The following PABPN1 variants were observed in gnomAD, a reference collection of about 807,000 sequenced individuals.
PABPN1 encodes the protein polyadenylate-binding protein 2.
A neutral mutation model predicts 33.4 loss-of-function variants in PABPN1; 5 were observed. The ratio of observed to expected loss-of-function variants is 0.15; its 90% CI spans 0.08 to 0.32. PABPN1 has a LOEUF of 0.32. Ranked by LOEUF, PABPN1 falls within the 10% of genes least tolerant of loss-of-function variation. The pLI is 1.00. For missense variants in PABPN1, 312 were observed against 425.8 expected (o/e 0.73, Z 2.35); for synonymous variants, 176 against 170.6 (o/e 1.03, Z -0.25).
At chr14:23,324,441 G>T (rs887930568) in intron 6 of PABPN1, 152 bp downstream of exon 6, 8 of 1,067,080 alleles carry the variant, frequency 7.5e-6, no homozygotes, top group Admixed American at 1.9e-5. Context: ...GAAGGTAGTT[G>T]CAGGCCAGGC....
intron 6 of PABPN1, 44 bp downstream of exon 6, chr14:23,324,333 G>A (rs775734744): frequency 1.2e-6 from 2 of 1,604,272 alleles, no homozygotes; most frequent in South Asian, 1.1e-5. Flanking sequence ...CCTCCCGTGA[G>A]CCCCGTATGC....
chr14:23,324,375 C>T (rs1888577784), intron 6 of PABPN1, 86 bp downstream of exon 6: 3 of 1,309,660 alleles, frequency 2.3e-6, no homozygotes, highest in Non-Finnish European at 3.0e-6. Flanking sequence ...AACCTCCCTC[C>T]CCCCACCCCT....
At position 23,325,995 on chromosome 14, in the gene PABPN1, GT is replaced by G. The variant is rs58264930; in HGVS notation, c.*723del. 0.36 allele frequency: 50,796 copies of G among 141,430 alleles called. 9,435 individuals are homozygous for G. Among genetic ancestry groups the G allele is most frequent in the East Asian group, 0.59 (2,855 of 4,834 alleles). The allele number at this position is 141,430 out of a possible 1,614,324, so 8.8% of individuals were successfully genotyped here. ...TGTTTTTCAGTTGTTTTGTTTTTTT[GT>G]TTTTTTTTTTTTTCCTTTGCCTTTT... On this transcript the variant is annotated 3_prime_UTR_variant, in exon 7 of 7. Transcript: ENST00000216727.
At chr14:23,324,336 C>T in intron 6 of PABPN1, 47 bp downstream of exon 6, 1 of 1,603,646 alleles carries the variant, frequency 6.2e-7, no homozygotes, top group Non-Finnish European at 8.5e-7. Flanking sequence ...CCCGTGAGCC[C>T]CGTATGCTTC....
rs545628068 is a variant in PABPN1, at chr14:23,325,056, GC to G, written c.882-185del. 895 of 665,162 alleles carry G rather than the reference GC, an allele frequency of 1.3e-3. 2 individuals are homozygous for G. The highest frequency in any genetic ancestry group is 1.9e-3 in the Non-Finnish European group (803 of 418,930). The allele number at this position is 665,162 out of a possible 1,614,324, so 41.2% of individuals were successfully genotyped here. ...CCACTGTTTGGCAGTTTTCTGTTAA[GC>G]CCCCCTCCCCCTGCCCCAGTTCTCC... On this transcript the variant is annotated intron_variant, in intron 6 of 6. Coordinates refer to ENST00000216727, the MANE Select transcript of PABPN1 (RefSeq NM_004643.4).
rs1404315349 is a variant in PABPN1, at chr14:23,325,893, C to T, written c.*607C>T. ...GTAGCCGGAAGATCTCCGTTCCGCTCCCAGCGGCTCCAGTGTAAATTCCCC... is the reference window on the plus strand; with the variant it reads ...GTAGCCGGAAGATCTCCGTTCCGCTTCCAGCGGCTCCAGTGTAAATTCCCC... On this transcript the variant is annotated 3_prime_UTR_variant, in exon 7 of 7. Coordinates refer to ENST00000216727, the MANE Select transcript of PABPN1 (RefSeq NM_004643.4). 1 of 153,126 alleles carries T rather than the reference C, an allele frequency of 6.5e-6. No individual in the cohort carries two copies. The highest frequency in any genetic ancestry group is 1.9e-4 in the East Asian group (1 of 5,188). 9.5% of individuals were successfully genotyped at this position (153,126 alleles called of 1,614,324 possible). A position where few individuals can be genotyped will look rare whatever the true frequency, so the allele number is the denominator to read the frequency against.
At chr14:23,323,835 C>A (rs1888516023) in intron 4 of PABPN1, 130 bp from the exon 5 acceptor site, 3 of 969,090 alleles carry the variant, frequency 3.1e-6, no homozygotes, top group Non-Finnish European at 4.7e-6. Context: ...TTGAAATTTT[C>A]CATTTAGAAG....
chr14:23,325,112 G>T, intron 6 of PABPN1, 135 bp from the exon 7 acceptor site: 3 of 1,171,338 alleles, frequency 2.6e-6, no homozygotes, highest in Non-Finnish European at 3.6e-6. Context: ...GGATCATGGG[G>T]TCAGTTTTAG....
Position 23,325,249 on chromosome 14 carries a change from G to A in PABPN1, c.884G>A (p.Gly295Asp). 1.2e-6 allele frequency: 2 copies of A among 1,613,084 alleles called. No individual in the cohort carries two copies. The highest frequency in any genetic ancestry group is 1.7e-6 in the Non-Finnish European group (2 of 1,179,882). ...CTAACTCTCCTTCTTTCTTCCAGGG[G>A]CCGGGCTAGAGCGACATCATGGTAT... ...NSRPRGRVYR[G>D]RARATSWYSP... The change falls in exon 7 of 7, where the codon GGC (glycine) becomes GAC (aspartate). Residue 295 changes from glycine to aspartate, a missense_variant and splice_region_variant. This residue lies in a region of PABPN1 where 68 missense variants were observed against 71.1 expected (regional missense o/e 0.96). Coordinates refer to ENST00000216727, the MANE Select transcript of PABPN1 (RefSeq NM_004643.4).
At chr14:23,325,144 C>T (rs976036352) in intron 6 of PABPN1, 103 bp from the exon 7 acceptor site, 6 of 1,513,972 alleles carry the variant, frequency 4.0e-6, no homozygotes, top group Non-Finnish European at 4.6e-6. Context: ...ACTTCTTTTC[C>T]CCCCTTCCCT....
chr14:23,324,343 C>G (rs1317056037), intron 6 of PABPN1, 54 bp downstream of exon 6: 1 of 1,602,394 alleles, frequency 6.2e-7, no homozygotes, highest in Admixed American at 1.7e-5. Context: ...GCCCCGTATG[C>G]TTCCTCCTCT....
chr14:23,323,790 G>A (rs1481654547), intron 4 of PABPN1, among the ~76,000 whole-genome samples, 175 bp from the exon 5 acceptor site: 2 of 152,188 alleles, frequency 1.3e-5, no homozygotes, highest in Non-Finnish European at 1.5e-5. Context: ...TCAAAGAGTA[G>A]CTGGAAATTT....
rs145369012 is a variant in PABPN1 at position 23,323,452 on chromosome 14, C to T, written c.610C>T (p.Leu204=). 2 of 1,614,136 alleles carry T rather than the reference C, an allele frequency of 1.2e-6. No individual in the cohort carries two copies. The highest frequency in any genetic ancestry group is 1.7e-6 in the Non-Finnish European group (2 of 1,179,996). ...GCGSVNRVTI[L]CDKFSGHPKG... is the part of the protein sequence containing the mutation. The stretch of plus-strand genomic sequence containing the variant: ...TGGTTCAGTCAACCGTGTTACCATA[C>T]TGTGTGACAAATTTAGTGGCCATCC... The change falls in exon 4 of 7, where the codon CTG becomes TTG. Residue 204 remains leucine (L), a synonymous_variant. Transcript: ENST00000216727.
intron 3 of PABPN1, 153 bp from the exon 4 acceptor site, chr14:23,323,224 A>G (rs1888458910): frequency 6.9e-6 from 9 of 1,296,722 alleles, no homozygotes; most frequent in Non-Finnish European, 8.8e-6. Flanking sequence ...GTAATCAGCA[A>G]AGGCTCTGGG....
At chr14:23,322,425 G>A (rs541000679) in intron 2 of PABPN1, 130 bp downstream of exon 2, 3 of 824,844 alleles carry the variant, frequency 3.6e-6, no homozygotes. Context: ...ACTGTGCCGC[G>A]GTCATAGTCC....
At chr14:23,324,605 G>C in intron 6 of PABPN1, 1 of 545,578 alleles carries the variant, frequency 1.8e-6, no homozygotes, top group African/African-American at 1.9e-5. Flanking sequence ...GGAGGAACAG[G>C]GCCTCCAGGC....
intron 3 of PABPN1, 127 bp from the exon 4 acceptor site, chr14:23,323,250 G>C (rs1888460011): frequency 7.7e-7 from 1 of 1,292,256 alleles, no homozygotes. Context: ...AAGGAAAAGA[G>C]ATTAATTCCT....
At chr14:23,324,322 G>T in intron 6 of PABPN1, 33 bp downstream of exon 6, 1 of 1,606,388 alleles carries the variant, frequency 6.2e-7, no homozygotes, top group Non-Finnish European at 8.5e-7. Context: ...TCTTTCCCCC[G>T]CCTCCCGTGA....
chr14:23,324,586 A>G, intron 6 of PABPN1: 2 of 561,638 alleles, frequency 3.6e-6, no homozygotes, highest in Non-Finnish European at 6.4e-6. Context: ...GTGTTTGCGG[A>G]CAAAACTGGG....
Sources: gnomAD v4.1 joint callset for allele counts (sites outside exome capture counted in the v4.1 genomes callset) on GRCh38, gnomAD v4.1.1 for gene constraint, gnomAD v4.1.1 regional missense constraint, MANE v1.5 for transcripts, NCBI Gene and HGNC (gene_info 2026-07-23, HGNC 2026-07-21) for gene names.